The following RHBDD1 variants were observed in gnomAD, a reference collection of about 807,000 sequenced individuals.
RHBDD1 encodes the protein rhomboid domain containing 1, also known as rhomboid-related protein 4.
In RHBDD1, 38 loss-of-function variants were observed where a neutral mutation model predicts 36.3. The observed-to-expected ratio is 1.05, with a 90% CI of 0.81 to 1.37. The LOEUF is 1.37. Among genes scored for constraint, RHBDD1 ranks in the 40% most tolerant of loss-of-function variants. RHBDD1 has a pLI of 0.00. For synonymous variants in RHBDD1, 151 were observed against 136.5 expected (o/e 1.11, Z -0.74); for missense variants, 393 against 377.6 (o/e 1.04, Z -0.34).
chr2:226,975,036 T>C (rs1342304210), intron 8 of RHBDD1, among the ~76,000 whole-genome samples: 1 of 152,156 alleles, frequency 6.6e-6, no homozygotes, highest in East Asian at 1.9e-4. Flanking sequence ...CTGGGACTCT[T>C]AGTGGGTAGC....
chr2:226,907,440 T>G (rs1402708064), intron 6 of RHBDD1, among the ~76,000 whole-genome samples: 1 of 152,222 alleles, frequency 6.6e-6, no homozygotes, highest in African/African-American at 2.4e-5. Flanking sequence ...TCAATGAAAA[T>G]ATTTCATTTA....
intron 5 of RHBDD1, among the ~76,000 whole-genome samples, chr2:226,875,447 A>T (rs2125334432): frequency 6.6e-6 from 1 of 152,316 alleles, no homozygotes; most frequent in Non-Finnish European, 1.5e-5. Flanking sequence ...TGTGCTTTTG[A>T]GATCCTTGTT....
intron 3 of RHBDD1, among the ~76,000 whole-genome samples, chr2:226,846,830 G>A (rs1288192236): frequency 6.6e-6 from 1 of 151,272 alleles, no homozygotes; most frequent in African/African-American, 2.4e-5. Flanking sequence ...ATGACAATCA[G>A]CCATTATTAA....
At chr2:226,831,657 A>G (rs1940743125), upstream of RHBDD1, among the ~76,000 whole-genome samples, 1 of 152,188 alleles carries the variant, frequency 6.6e-6, no homozygotes, top group African/African-American at 2.4e-5. Flanking sequence ...TGTCTCTAGA[A>G]CATGAGATAA....
intron 5 of RHBDD1, among the ~76,000 whole-genome samples, chr2:226,906,189 C>G (rs973949407): frequency 3.9e-5 from 6 of 152,216 alleles, no homozygotes; most frequent in African/African-American, 1.4e-4. Context: ...CAAACACTTT[C>G]ATGCCCTAAC....
At chr2:226,807,006 T>C in the RHBDD1 span, among the ~76,000 whole-genome samples, 5 of 152,328 alleles carry the variant, frequency 3.3e-5, no homozygotes, top group Middle Eastern at 3.4e-3. Flanking sequence ...TTTCACTGCT[T>C]TTTTTTCTTA....
chr2:226,985,354 G>A (rs1328119822), intron 8 of RHBDD1, among the ~76,000 whole-genome samples: 2 of 152,118 alleles, frequency 1.3e-5, no homozygotes, highest in South Asian at 2.1e-4. Flanking sequence ...CCTGGGTTTC[G>A]GGCCATCTAG....
intron 5 of RHBDD1, among the ~76,000 whole-genome samples, chr2:226,872,934 CA>C (rs1944907269): frequency 6.6e-6 from 1 of 152,202 alleles, no homozygotes; most frequent in Admixed American, 6.5e-5. Context: ...ACTGCATTAT[CA>C]TATATGTTCC....
chr2:226,914,442 A>G (rs1368946587), intron 8 of RHBDD1, 91 bp downstream of exon 8: 59 of 1,408,894 alleles, frequency 4.2e-5, no homozygotes, highest in Non-Finnish European at 5.3e-5. Flanking sequence ...ATTAAATTTT[A>G]AACAGTTCAG....
intron 7 of RHBDD1, among the ~76,000 whole-genome samples, chr2:226,911,698 C>G (rs1446333114): frequency 6.6e-6 from 1 of 151,714 alleles, no homozygotes; most frequent in Non-Finnish European, 1.5e-5. Context: ...TGGATAGAGA[C>G]CAGTTTAAGA....
intron 5 of RHBDD1, among the ~76,000 whole-genome samples, chr2:226,906,492 G>C (rs990680016): frequency 1.3e-5 from 2 of 152,186 alleles, no homozygotes; most frequent in African/African-American, 4.8e-5. Flanking sequence ...AAAACGGAAA[G>C]CGATGTAATG....
intron 8 of RHBDD1, among the ~76,000 whole-genome samples, chr2:226,978,165 C>T (rs1954928406): frequency 6.6e-6 from 1 of 152,208 alleles, no homozygotes; most frequent in Non-Finnish European, 1.5e-5. Flanking sequence ...TCCATAGAAA[C>T]AATTCTAGAA....
rs527717109 is a variant in RHBDD1 at position 226,995,817 on chromosome 2, C to G, written c.*295C>G. On this transcript the variant is annotated 3_prime_UTR_variant, in exon 9 of 9. Coordinates refer to ENST00000392062, the MANE Select transcript of RHBDD1 (RefSeq NM_001167608.3). ...TGCTGACTCAGCGATGCCTCTGCCT[C>G]GGTCTGCTTTTGAAGACTGTGACCT... is the stretch of plus-strand genomic sequence containing the variant. The G allele has an allele frequency of 2.3e-5, 9 of 384,158 alleles. No individual in the cohort carries two copies. The highest frequency in any genetic ancestry group is 3.7e-5 in the Non-Finnish European group (8 of 215,206). 23.8% of individuals were successfully genotyped at this position (384,158 alleles called of 1,614,324 possible).
Position 226,914,509 on chromosome 2 carries a change from T to G in RHBDD1, c.856+158T>G, listed in dbSNP as rs1369043499. 3.9e-6 allele frequency: 3 copies of G among 760,084 alleles called. No homozygotes were observed. The African/African-American group carries it at 5.3e-5, about 13-fold the overall frequency. The allele number at this position is 760,084 out of a possible 1,614,324, so 47.1% of individuals were successfully genotyped here. A position where few individuals can be genotyped will look rare whatever the true frequency, so the allele number is the denominator to read the frequency against. The stretch of plus-strand genomic sequence containing the variant: ...GATTGTGATTACAAAGAATGGGGTG[T>G]GATGCCATATTCCCAGCAACCTAAG... On this transcript the variant is annotated intron_variant, in intron 8 of 8. Coordinates refer to ENST00000392062, the MANE Select transcript of RHBDD1 (RefSeq NM_001167608.3).
At chr2:226,832,862 T>C (rs1940776355), upstream of RHBDD1, among the ~76,000 whole-genome samples, 5 of 152,038 alleles carry the variant, frequency 3.3e-5, 1 homozygote, top group Admixed American at 3.3e-4. Flanking sequence ...ATACAAAAAA[T>C]TAGCCAGGCA....
intron 6 of RHBDD1, chr2:226,908,582 TACACACACACACAC>T (rs10559846): frequency 6.6e-4 from 230 of 346,902 alleles, no homozygotes; most frequent in South Asian, 9.7e-4. Context: ...CATTTTCCAC[TACACACACACACAC>T]ACACACACAC....
intron 3 of RHBDD1, among the ~76,000 whole-genome samples, chr2:226,847,806 A>G (rs1220678509): frequency 6.6e-6 from 1 of 152,240 alleles, no homozygotes; most frequent in South Asian, 2.1e-4. Context: ...CCTTTATACT[A>G]GAAATTCTTA....
At chr2:226,801,520 C>T in the RHBDD1 span, among the ~76,000 whole-genome samples, 2 of 152,238 alleles carry the variant, frequency 1.3e-5, no homozygotes, top group Non-Finnish European at 2.9e-5. Context: ...CGTTTCTCCT[C>T]TCCCCTTCCT....
At chr2:226,973,165 G>A (rs1953909553) in intron 8 of RHBDD1, among the ~76,000 whole-genome samples, 1 of 152,138 alleles carries the variant, frequency 6.6e-6, no homozygotes. Flanking sequence ...GTATGTGTGT[G>A]TACGGAACTA....
Sources: gnomAD v4.1 joint callset for allele counts (sites outside exome capture counted in the v4.1 genomes callset) on GRCh38, gnomAD v4.1.1 for gene constraint, MANE v1.5 for transcripts, NCBI Gene and HGNC (gene_info 2026-07-23, HGNC 2026-07-21) for gene names.